The following GOLGA4 variants were observed in gnomAD, a reference collection of about 807,000 sequenced individuals.
GOLGA4 encodes the protein golgin subfamily A member 4.
Under a neutral mutation model 265.9 loss-of-function variants are expected in GOLGA4, and 169 were observed. The observed-to-expected ratio is 0.64, with a 90% CI of 0.56 to 0.72. The LOEUF (loss-of-function observed/expected upper bound fraction) is 0.72. Ranked by LOEUF, GOLGA4 falls within the 30% of genes least tolerant of loss-of-function variation. The pLI, the probability that GOLGA4 is intolerant of heterozygous loss-of-function variation, is 0.00. For synonymous variants in GOLGA4, 923 were observed against 855.8 expected, an observed-to-expected ratio of 1.08 and a Z score of -1.37; for missense variants, 2,482 against 2,483.4, an observed-to-expected ratio of 1.00 and a Z score of 0.01.
chr3:37,251,356 T>TGCACA (rs778084302), intron 1 of GOLGA4, 39 bp from the exon 2 acceptor site: 1 of 1,261,506 alleles, frequency 7.9e-7, no homozygotes, highest in Non-Finnish European at 1.2e-6. Flanking sequence ...CACTAGTCAA[T>TGCACA]ATAGTCTTGC....
intron 3 of GOLGA4, among the ~76,000 whole-genome samples, chr3:37,285,572 G>T (rs942116149): frequency 1.1e-4 from 16 of 152,200 alleles, no homozygotes; most frequent in Non-Finnish European, 2.4e-4. Context: ...TGCCTGGTGA[G>T]CTCATTAAAA....
At chr3:37,263,822 G>A (rs954009090) in intron 2 of GOLGA4, among the ~76,000 whole-genome samples, 5 of 152,182 alleles carry the variant, frequency 3.3e-5, no homozygotes, top group African/African-American at 7.2e-5. Flanking sequence ...TCAACTGATG[G>A]CTTCACTGGG....
chr3:37,299,219 A>G (rs2096886592), intron 8 of GOLGA4, 69 bp from the exon 9 acceptor site: 1 of 1,073,346 alleles, frequency 9.3e-7, no homozygotes, highest in Non-Finnish European at 1.4e-6. Flanking sequence ...AAATTAGATA[A>G]ATGTTTAGAG....
At chr3:37,284,990 G>A (rs568907662) in intron 3 of GOLGA4, among the ~76,000 whole-genome samples, 8 of 152,078 alleles carry the variant, frequency 5.3e-5, no homozygotes, top group African/African-American at 1.4e-4. Flanking sequence ...TTTTGATTCA[G>A]GATATCACTA....
intron 17 of GOLGA4, 122 bp downstream of exon 17, chr3:37,335,288 A>G (rs1158845531): frequency 1.8e-5 from 11 of 596,998 alleles, no homozygotes; most frequent in Admixed American, 1.5e-4. Context: ...ACCCTTTGAG[A>G]TTTTTACCTC....
intron 15 of GOLGA4, 137 bp from the exon 16 acceptor site, chr3:37,328,826 T>G: frequency 1.3e-6 from 1 of 758,182 alleles, no homozygotes; most frequent in Non-Finnish European, 2.0e-6. Flanking sequence ...AGATGTCTCA[T>G]TAAACATCTT....
intron 2 of GOLGA4, among the ~76,000 whole-genome samples, chr3:37,271,319 A>C (rs1323520321): frequency 1.3e-5 from 2 of 152,202 alleles, no homozygotes; most frequent in Non-Finnish European, 2.9e-5. Flanking sequence ...GGTAGATGCC[A>C]TGTAGGCAAC....
intron 1 of GOLGA4, among the ~76,000 whole-genome samples, chr3:37,245,645 A>G (rs537903427): frequency 1.3e-5 from 2 of 152,370 alleles, no homozygotes; most frequent in Non-Finnish European, 2.9e-5. Flanking sequence ...AAACTAAGAT[A>G]TAAGAGCTCT....
intron 10 of GOLGA4, among the ~76,000 whole-genome samples, chr3:37,313,967 T>TA: frequency 6.9e-6 from 1 of 145,108 alleles, no homozygotes; most frequent in Non-Finnish European, 1.5e-5. Context: ...ACACATGTAT[T>TA]TTTTTTTTTT....
intron 21 of GOLGA4, among the ~76,000 whole-genome samples, chr3:37,351,461 A>G (rs971018603): frequency 3.3e-5 from 5 of 152,122 alleles, no homozygotes; most frequent in South Asian, 2.1e-4. Flanking sequence ...TGAATTACCA[A>G]TGTTCTTAGT....
chr3:37,281,270 AACTC>A (rs1432302735), intron 2 of GOLGA4, among the ~76,000 whole-genome samples: 1 of 152,236 alleles, frequency 6.6e-6, no homozygotes, highest in African/African-American at 2.4e-5. Flanking sequence ...GAGGGACTCT[AACTC>A]AGACCTTTCA....
chr3:37,361,214 A>G (rs373805969), intron 22 of GOLGA4, 29 bp from the exon 23 acceptor site: 3 of 1,566,810 alleles, frequency 1.9e-6, no homozygotes, highest in Non-Finnish European at 1.8e-6. Context: ...AACTAACCCA[A>G]TAAGCTTTTT....
At chr3:37,364,238 CTT>C (rs1431915651) in intron 23 of GOLGA4, among the ~76,000 whole-genome samples, 1 of 151,726 alleles carries the variant, frequency 6.6e-6, no homozygotes, top group Admixed American at 6.6e-5. Flanking sequence ...TTTTCTTTTC[CTT>C]TTCTTTTTTT....
In GOLGA4 at chr3:37,272,746, T is replaced by C. The variant is rs148956166; in HGVS notation, c.163-9212T>C. 1.5e-3 allele frequency among the ~76,000 whole-genome samples: 229 copies of C among 152,354 alleles called. 2 individuals carry two copies. The highest frequency in any genetic ancestry group is 5.1e-3 in the African/African-American group (213 of 41,592). On this transcript the variant is annotated intron_variant, in intron 2 of 23. Transcript: ENST00000361924. ...ACCAAGGGGAAATGCAAGATGTAACTACTGAAACATAGTGGTTGGCATTTG... is the reference window on the plus strand; with the variant it reads ...ACCAAGGGGAAATGCAAGATGTAACCACTGAAACATAGTGGTTGGCATTTG...
intron 1 of GOLGA4, chr3:37,250,169 A>C (rs2096730013): frequency 6.6e-6 from 1 of 152,202 alleles, no homozygotes; most frequent in Non-Finnish European, 1.5e-5. Context: ...TCACCTCCCA[A>C]TTAAACTGCT....
At chr3:37,339,931 C>T (rs2097027330) in intron 19 of GOLGA4, among the ~76,000 whole-genome samples, 193 bp from the exon 20 acceptor site, 10 of 149,872 alleles carry the variant, frequency 6.7e-5, no homozygotes, top group Admixed American at 6.6e-4. Context: ...CTTTTGGTAT[C>T]ATATCTAAGA....
chr3:37,260,181 A>T (rs1239770236), intron 2 of GOLGA4, among the ~76,000 whole-genome samples: 1 of 151,968 alleles, frequency 6.6e-6, no homozygotes, highest in African/African-American at 2.4e-5. Context: ...AAAAGCAAAA[A>T]AGTCTCATAA....
chr3:37,244,641 C>T (rs2096713864), intron 1 of GOLGA4, among the ~76,000 whole-genome samples: 1 of 152,164 alleles, frequency 6.6e-6, no homozygotes, highest in South Asian at 2.1e-4. Context: ...AACTTGGAGG[C>T]ATTTCTAAAT....
rs2096981761 is a variant in GOLGA4, at chr3:37,329,093, T to A, written c.6192T>A (p.Asp2064Glu). 1 of 1,594,552 alleles carries A rather than the reference T, an allele frequency of 6.3e-7. No homozygotes were observed. Among genetic ancestry groups the A allele is most frequent in the Admixed American group, 1.8e-5 (1 of 55,852 alleles). Residue 2064 changes from aspartate to glutamate, a missense_variant and splice_region_variant, in exon 16 of 24, where the codon GAT (aspartate) becomes GAA (glutamate). Physicochemically the swap from Asp to Glu is conservative, Grantham distance 45. Coordinates refer to ENST00000361924, the MANE Select transcript of GOLGA4 (RefSeq NM_002078.5). ...CCAAAAGATATGAAGAAATCCTTGA[T>A]GTTTGTACCTTATTTCTTCTCTCTC... ...RTAKRYEEILDAREEEMTAKV... is the reference protein window; with the variant it reads ...RTAKRYEEILEAREEEMTAKV...
Sources: gnomAD v4.1 joint callset for allele counts (sites outside exome capture counted in the v4.1 genomes callset) on GRCh38, gnomAD v4.1.1 for gene constraint, MANE v1.5 for transcripts, NCBI Gene and HGNC (gene_info 2026-07-23, HGNC 2026-07-21) for gene names.